The following ENOPH1 variants were observed in gnomAD, a reference collection of about 807,000 sequenced individuals.
ENOPH1 encodes the protein enolase-phosphatase E1.
In ENOPH1, 14 loss-of-function variants were observed where a neutral mutation model predicts 31.1. The ratio of observed to expected loss-of-function variants is 0.45; its 90% confidence interval spans 0.30 to 0.70. The LOEUF (loss-of-function observed/expected upper bound fraction) is 0.70. Ranked by LOEUF, ENOPH1 falls within the 30% of genes least tolerant of loss-of-function variation. The probability of loss-of-function intolerance (pLI) is 0.09; values close to 1 mark genes in which losing one functional copy is unlikely to be tolerated. For missense variants in ENOPH1, 243 were observed against 321.5 expected (o/e 0.76, Z 1.87); for synonymous variants, 127 against 123.2 (o/e 1.03, Z -0.21).
At chr4:82,447,741 G>A (rs1722232016) in intron 1 of ENOPH1, among the ~76,000 whole-genome samples, 179 bp from the exon 2 acceptor site, 1 of 152,172 alleles carries the variant, frequency 6.6e-6, no homozygotes, top group Non-Finnish European at 1.5e-5. Flanking sequence ...CCGACTCTTG[G>A]TCTAGTTTAT....
intron 2 of ENOPH1, among the ~76,000 whole-genome samples, chr4:82,450,136 T>C (rs1466618184): frequency 6.6e-6 from 1 of 152,242 alleles, no homozygotes; most frequent in Non-Finnish European, 1.5e-5. Flanking sequence ...CCTTTGGGCA[T>C]GGAATATTTG....
At chr4:82,451,316 T>C in intron 3 of ENOPH1, 71 bp downstream of exon 3, 1 of 1,433,246 alleles carries the variant, frequency 7.0e-7, no homozygotes, top group East Asian at 2.3e-5. Flanking sequence ...CAGTCCTCTC[T>C]TTCCAGCGTA....
chr4:82,446,421 C>CAA (rs367842264), intron 1 of ENOPH1, among the ~76,000 whole-genome samples: 14,865 of 142,350 alleles, frequency 0.1, 1,575 homozygotes, highest in African/African-American at 0.28. Context: ...GACTCCATCT[C>CAA]AAAAAAAAAA....
chr4:82,432,233 T>A (rs1721790184), intron 1 of ENOPH1, among the ~76,000 whole-genome samples: 2 of 152,196 alleles, frequency 1.3e-5, no homozygotes, highest in Non-Finnish European at 2.9e-5. Context: ...AAAATCCATG[T>A]ACACTTTTAG....
intron 1 of ENOPH1, among the ~76,000 whole-genome samples, chr4:82,443,186 CAGCACTTTGGGA>C (rs1381410254): frequency 3.9e-5 from 6 of 152,266 alleles, no homozygotes; most frequent in African/African-American, 1.4e-4. Flanking sequence ...CCTGTAATGC[CAGCACTTTGGGA>C]GGCCGCGATG....
chr4:82,450,648 A>G (rs1722324810), intron 2 of ENOPH1, among the ~76,000 whole-genome samples: 1 of 152,246 alleles, frequency 6.6e-6, no homozygotes. Context: ...AATTCCAGGC[A>G]TAAACTAATT....
rs1560469072 is a variant in ENOPH1, at chr4:82,457,003, CCAA to C, written c.617_619del (p.Asn206del). ...ATTGCAGACAGCATTGGGTGCTCAA[CCAA>C]CAACATTTTGTTTCTGACAGATGTT... On this transcript the variant is annotated inframe_deletion, in exon 5 of 6. Transcript: ENST00000273920. The C allele has an allele frequency of 1.2e-6, 2 of 1,613,992 alleles. No homozygotes were observed. The highest frequency in any genetic ancestry group is 2.2e-5 in the East Asian group (1 of 44,866).
At chr4:82,444,633 C>A (rs1722134567) in intron 1 of ENOPH1, among the ~76,000 whole-genome samples, 1 of 152,202 alleles carries the variant, frequency 6.6e-6, no homozygotes, top group Non-Finnish European at 1.5e-5. Flanking sequence ...TTCGAAATTT[C>A]ATGGCTCTTT....
chr4:82,458,055 TCTG>T (rs1722535182), intron 5 of ENOPH1, among the ~76,000 whole-genome samples: 2 of 132,482 alleles, frequency 1.5e-5, no homozygotes, highest in Admixed American at 1.7e-4. Context: ...CCCTTCATCT[TCTG>T]CTGGCCCCAT....
chr4:82,450,299 A>G (rs1722314240), intron 2 of ENOPH1, among the ~76,000 whole-genome samples: 1 of 152,222 alleles, frequency 6.6e-6, no homozygotes. Context: ...TTTTTTCTCC[A>G]CATAAATGTT....
intron 1 of ENOPH1, among the ~76,000 whole-genome samples, chr4:82,441,138 A>C (rs1179993181): frequency 6.6e-6 from 1 of 152,242 alleles, no homozygotes; most frequent in Admixed American, 6.5e-5. Flanking sequence ...TTGGTGTATT[A>C]GTCTGTTCTC....
At chr4:82,452,370 G>T (rs180859459) in intron 3 of ENOPH1, among the ~76,000 whole-genome samples, 4 of 152,202 alleles carry the variant, frequency 2.6e-5, no homozygotes, top group South Asian at 2.1e-4. Flanking sequence ...GTGCAGTGGC[G>T]CAATCTCAGC....
chr4:82,458,601 T>C (rs968925795), intron 5 of ENOPH1, among the ~76,000 whole-genome samples: 2 of 152,288 alleles, frequency 1.3e-5, no homozygotes, highest in Admixed American at 1.3e-4. Flanking sequence ...AATAGATGCT[T>C]AGGGATAAAA....
At chr4:82,440,162 T>C (rs1722002624) in intron 1 of ENOPH1, among the ~76,000 whole-genome samples, 1 of 152,212 alleles carries the variant, frequency 6.6e-6, no homozygotes, top group African/African-American at 2.4e-5. Context: ...TAGTAAGTGC[T>C]CAGTAAATGT....
At chr4:82,459,829 C>T in intron 5 of ENOPH1, 152 bp from the exon 6 acceptor site, 2 of 705,486 alleles carry the variant, frequency 2.8e-6, no homozygotes, top group Non-Finnish European at 4.7e-6. Flanking sequence ...ATATAGTCAA[C>T]CCCAGGGTGC....
At chr4:82,434,829 C>T (rs1218740029) in intron 1 of ENOPH1, among the ~76,000 whole-genome samples, 1 of 152,026 alleles carries the variant, frequency 6.6e-6, no homozygotes, top group Non-Finnish European at 1.5e-5. Flanking sequence ...ATCGCTTGTA[C>T]CTGGGAGGCG....
At chr4:82,437,326 A>G (rs931056804) in intron 1 of ENOPH1, among the ~76,000 whole-genome samples, 1 of 152,170 alleles carries the variant, frequency 6.6e-6, no homozygotes. Flanking sequence ...AGTTACATAA[A>G]TAGGTCGCCT....
Position 82,460,266 on chromosome 4 carries a change from C to T in ENOPH1, c.*146C>T, listed in dbSNP as rs374584001. The T allele has an allele frequency of 7.2e-5, 50 of 697,190 alleles. No homozygotes were observed. In the African/African-American group the frequency reaches 8.7e-4, roughly 12 times the overall value. The allele number at this position is 697,190 out of a possible 1,614,324, so 43.2% of individuals were successfully genotyped here. A position where few individuals can be genotyped will look rare whatever the true frequency, so the allele number is the denominator to read the frequency against. On this transcript the variant is annotated 3_prime_UTR_variant, in exon 6 of 6. Transcript: ENST00000273920. ...GTATATATGTGTATGCTCAGATTAA[C>T]TTCCATAGGTACATAAGTGAAAGAA...
At position 82,430,720 on chromosome 4, in the gene ENOPH1, C is replaced by T; in HGVS notation, c.-110C>T. On this transcript the variant is annotated 5_prime_UTR_variant, in exon 1 of 6. Coordinates refer to ENST00000273920, the MANE Select transcript of ENOPH1 (RefSeq NM_021204.5). ...TGCACTTGGTCGCTGGCTCCGAGATCGCGCGGGGCCGCCGGAAGCCCAAGA... is the reference window on the plus strand; with the variant it reads ...TGCACTTGGTCGCTGGCTCCGAGATTGCGCGGGGCCGCCGGAAGCCCAAGA... The T allele has an allele frequency of 1.0e-6, 1 of 990,704 alleles. No individual in the cohort carries two copies. Among genetic ancestry groups the T allele is most frequent in the Non-Finnish European group, 1.5e-6 (1 of 652,786 alleles). The allele number at this position is 990,704 out of a possible 1,614,324, so 61.4% of individuals were successfully genotyped here.
Sources: allele counts gnomAD v4.1 joint callset (sites outside exome capture counted in the v4.1 genomes callset), GRCh38; gene constraint gnomAD v4.1.1; transcripts MANE v1.5; gene names NCBI Gene and HGNC (gene_info 2026-07-23, HGNC 2026-07-21).